Variants in ENGASE observed in about 807,000 individuals in gnomAD.
The protein encoded by ENGASE is cytosolic endo-beta-N-acetylglucosaminidase.
Under a neutral mutation model 78.5 loss-of-function variants are expected in ENGASE, and 69 were observed. That is an observed-to-expected ratio of 0.88 (90% confidence interval 0.72 to 1.07). ENGASE has a LOEUF of 1.07. Among genes scored for constraint, ENGASE ranks in the 50% least tolerant of loss-of-function variants. The pLI is 0.00. For missense variants in ENGASE, 943 were observed against 988.4 expected, an observed-to-expected ratio of 0.95 and a Z score of 0.62; for synonymous variants, 408 against 408.9, an observed-to-expected ratio of 1.00 and a Z score of 0.03.
Position 79,088,411 on chromosome 17 carries a change from G to A in ENGASE, c.*2062G>A, listed in dbSNP as rs893675175. On this transcript the variant is annotated 3_prime_UTR_variant, in exon 14 of 14. Transcript: ENST00000579016. ...GTGGCAATTATTTTCTCACAGTCTG[G>A]TGAGCAGGCAATTAATTAGGAGTAA... is the stretch of plus-strand genomic sequence containing the variant. 6.6e-6 allele frequency: 1 copy of A among 152,194 alleles called. No individual in the cohort carries two copies. The highest frequency in any genetic ancestry group is 1.5e-5 in the Non-Finnish European group (1 of 68,036). 9.4% of individuals were successfully genotyped at this position (152,194 alleles called of 1,614,324 possible).
Position 79,083,282 on chromosome 17 carries a change from G to C in ENGASE, c.1142+159G>C. 1.4e-6 allele frequency: 1 copy of C among 722,134 alleles called. No homozygotes were observed. The highest frequency in any genetic ancestry group is 2.3e-6 in the Non-Finnish European group (1 of 439,018). The allele number at this position is 722,134 out of a possible 1,614,324, so 44.7% of individuals were successfully genotyped here. Reference sequence around the variant, plus strand: ...GGAAGCCAGCACCCTGGCTGCTTCCGGGCAGGGACCAAACCCAGCGGCCGC... The same window carrying C: ...GGAAGCCAGCACCCTGGCTGCTTCCCGGCAGGGACCAAACCCAGCGGCCGC... On this transcript the variant is annotated intron_variant, in intron 8 of 13. Transcript: ENST00000579016. This position sits in a 1 kb window ranked among gnomAD's most constrained non-coding sequence, Gnocchi z 4.9.
chr17:79,081,478 A>G (rs1385574820), intron 6 of ENGASE, among the ~76,000 whole-genome samples: 7 of 151,962 alleles, frequency 4.6e-5, no homozygotes, highest in Admixed American at 3.3e-4. Flanking sequence ...CTCCAGCCTG[A>G]GCGACAGAGC....
chr17:79,086,347 T>C lies in ENGASE; in HGVS notation c.2230T>C (p.Ter744ArgextTer187), dbSNP rs1364793707. ...RAVLLYSAPA[*>R] ...AGTTCTGCTTTATTCAGCCCCTGCA[T>C]GAGCGGATGCTAAGGCCGGGTGGTC... The change falls in exon 14 of 14, where the codon TGA becomes CGA. Residue 744 changes from the stop codon to arginine (R), a stop_lost. Transcript: ENST00000579016. The C allele has an allele frequency of 7.5e-6, 12 of 1,608,690 alleles. No homozygotes were observed. The highest frequency in any genetic ancestry group is 4.5e-5 in the East Asian group (2 of 44,768).
At chr17:79,082,837 G>A (rs1334653979) in intron 7 of ENGASE, 183 bp from the exon 8 acceptor site, 7 of 1,535,382 alleles carry the variant, frequency 4.6e-6, no homozygotes, top group South Asian at 1.1e-5. Context: ...CTCTTCTGGC[G>A]GGCTTGTGGA....
Position 79,074,977 on chromosome 17 carries a change from G to C in ENGASE, c.33G>C (p.Ser11=), listed in dbSNP as rs1198280371. The C allele has an allele frequency of 5.6e-6, 7 of 1,241,416 alleles. No homozygotes were observed. The highest frequency in any genetic ancestry group is 7.1e-6 in the Non-Finnish European group (7 of 992,656). 76.9% of individuals were successfully genotyped at this position (1,241,416 alleles called of 1,614,324 possible). The part of the protein sequence containing the change: MEAAAVTVTR[S]ATRRRRRQLQ... Reference sequence around the variant, plus strand: ...CCGCGGCGGTGACGGTCACCCGGTCGGCTACACGGCGGCGGCGGCGGCAGC... The same window carrying C: ...CCGCGGCGGTGACGGTCACCCGGTCCGCTACACGGCGGCGGCGGCGGCAGC... The change falls in exon 1 of 14, where the codon TCG becomes TCC. Residue 11 remains serine (S), a synonymous_variant. Coordinates refer to ENST00000579016, the MANE Select transcript of ENGASE (RefSeq NM_001042573.3).
At position 79,079,557 on chromosome 17, in the gene ENGASE, T is replaced by G. The variant is rs776811675; in HGVS notation, c.485T>G (p.Val162Gly). 4.3e-6 allele frequency: 7 copies of G among 1,614,040 alleles called. No individual in the cohort carries two copies. The African/African-American group carries it at 8.0e-5, about 18-fold the overall frequency. ...CACTGGCAGTGCATCGACGTCTTTGTGTACTTCAGCCACCACACCGTCACC... is the reference window on the plus strand; with the variant it reads ...CACTGGCAGTGCATCGACGTCTTTGGGTACTTCAGCCACCACACCGTCACC... ...FYHWQCIDVF[V>G]YFSHHTVTIP... The change falls in exon 4 of 14, where the codon GTG becomes GGG. Residue 162 changes from valine (V) to glycine (G), a missense_variant. Coordinates refer to ENST00000579016, the MANE Select transcript of ENGASE (RefSeq NM_001042573.3).
Position 79,083,929 on chromosome 17 carries a change from G to A in ENGASE, c.1420G>A (p.Glu474Lys). ...GCTCGTCCGGGGTGTGATCCCACCGGAGGTTGGAAATGTGGCTGTGAGGTG... is the reference window on the plus strand; with the variant it reads ...GCTCGTCCGGGGTGTGATCCCACCGAAGGTTGGAAATGTGGCTGTGAGGTG... ...SLLVRGVIPPEVGNVAVRLFS... is the reference protein window; with the variant it reads ...SLLVRGVIPPKVGNVAVRLFS... The change falls in exon 10 of 14, where the codon GAG (glutamate) becomes AAG (lysine). Residue 474 changes from glutamate to lysine, a missense_variant. Physicochemically the swap from Glu to Lys is moderately conservative, Grantham distance 56 (BLOSUM62 1). Transcript: ENST00000579016. The surrounding 1 kb of genome is among the most constrained non-coding windows in gnomAD (Gnocchi z 4.9). 6.2e-7 allele frequency: 1 copy of A among 1,610,594 alleles called. No individual in the cohort carries two copies. The highest frequency in any genetic ancestry group is 8.5e-7 in the Non-Finnish European group (1 of 1,179,716).
rs1263791095 is a variant in ENGASE, at chr17:79,086,788, G to A, written c.*439G>A. ...GTGGCAGGTAGGCTTTGGAGCAGGC[G>A]CCGAGACATTTCTGAGCATGAGGAC... is the stretch of plus-strand genomic sequence containing the variant. On this transcript the variant is annotated 3_prime_UTR_variant, in exon 14 of 14. Coordinates refer to ENST00000579016, the MANE Select transcript of ENGASE (RefSeq NM_001042573.3). 14 of 371,182 alleles carry A rather than the reference G, an allele frequency of 3.8e-5. No individual in the cohort carries two copies. Among genetic ancestry groups the A allele is most frequent in the East Asian group, 2.9e-4 (4 of 13,730 alleles). The allele number at this position is 371,182 out of a possible 1,614,324, so 23.0% of individuals were successfully genotyped here.
At position 79,086,265 on chromosome 17, in the gene ENGASE, G is replaced by A. The variant is rs1197608508; in HGVS notation, c.2148G>A (p.Leu716=). 2 of 1,613,516 alleles carry A rather than the reference G, an allele frequency of 1.2e-6. No homozygotes were observed. The highest frequency in any genetic ancestry group is 8.5e-7 in the Non-Finnish European group (1 of 1,180,056). ...GCCAGGATCGTCGCATGGAATTTCT[G>A]GTGGAGCCTGTCCCCAAGGAAGGGT... ...GPGQDRRMEF[L]VEPVPKEGFR... is the part of the protein sequence containing the mutation. The change falls in exon 14 of 14, where the codon CTG becomes CTA. Residue 716 remains leucine, a synonymous_variant. Coordinates refer to ENST00000579016, the MANE Select transcript of ENGASE (RefSeq NM_001042573.3).
Position 79,083,875 on chromosome 17 carries a change from G to C in ENGASE, c.1366G>C (p.Glu456Gln). The change falls in exon 10 of 14, where the codon GAG becomes CAG. Residue 456 changes from glutamate (E) to glutamine (Q), a missense_variant. Coordinates refer to ENST00000579016, the MANE Select transcript of ENGASE (RefSeq NM_001042573.3). This position sits in a 1 kb window ranked among gnomAD's most constrained non-coding sequence, Gnocchi z 4.9. ...RGWVRTHCCL[E>Q]DAWHGGSSLL... Reference sequence around the variant, plus strand: ...CTGGGTGAGGACGCACTGCTGCCTGGAGGATGCCTGGCACGGAGGCAGCTC... The same window carrying C: ...CTGGGTGAGGACGCACTGCTGCCTGCAGGATGCCTGGCACGGAGGCAGCTC... 1 of 1,612,624 alleles carries C rather than the reference G, an allele frequency of 6.2e-7. No individual in the cohort carries two copies. Among genetic ancestry groups the C allele is most frequent in the African/African-American group, 1.3e-5 (1 of 75,018 alleles).
In ENGASE at chr17:79,083,071, G is replaced by A. The variant is rs374695310; in HGVS notation, c.1090G>A (p.Gly364Ser). ...HGFSVALFAP[G>S]WVYECLEKKD... ...CTTCTCCGTGGCTTTGTTTGCCCCC[G>A]GCTGGGTGTATGAGTGTCTGGAGAA... The change falls in exon 8 of 14, where the codon GGC becomes AGC. Residue 364 changes from glycine to serine, a missense_variant. By Grantham distance (56) the Gly-to-Ser change is moderately conservative. Coordinates refer to ENST00000579016, the MANE Select transcript of ENGASE (RefSeq NM_001042573.3). The surrounding 1 kb of genome is among the most constrained non-coding windows in gnomAD (Gnocchi z 4.9). 4.6e-5 allele frequency: 75 copies of A among 1,614,076 alleles called. 2 individuals carry two copies. The South Asian group carries it at 7.6e-4, about 16-fold the overall frequency.
Position 79,079,580 on chromosome 17 carries a change from A to G in ENGASE, c.508A>G (p.Thr170Ala), listed in dbSNP as rs760631965. Residue 170 changes from threonine to alanine, a missense_variant, in exon 4 of 14, where the codon ACC becomes GCC. Transcript: ENST00000579016. ...VFVYFSHHTVTIPPVGWTNTA... is the reference protein window; with the variant it reads ...VFVYFSHHTVAIPPVGWTNTA... ...TGTGTACTTCAGCCACCACACCGTC[A>G]CCATTCCCCCAGTGGGCTGGACCAA... is the stretch of plus-strand genomic sequence containing the variant. The G allele has an allele frequency of 1.9e-6, 3 of 1,614,050 alleles. No homozygotes were observed. In the East Asian group the frequency reaches 6.7e-5, roughly 36 times the overall value.
At chr17:79,082,886 A>T (rs755897525) in intron 7 of ENGASE, 134 bp from the exon 8 acceptor site, 1 of 1,571,696 alleles carries the variant, frequency 6.4e-7, no homozygotes, top group Non-Finnish European at 8.6e-7. Flanking sequence ...AGGTGCATCT[A>T]GGAGGGAGGG....
chr17:79,079,576 C>A lies in ENGASE; in HGVS notation c.504C>A (p.Thr168=), dbSNP rs201649577. The part of the protein sequence containing the change: ...IDVFVYFSHH[T]VTIPPVGWTN... The stretch of plus-strand genomic sequence containing the variant: ...TCTTTGTGTACTTCAGCCACCACAC[C>A]GTCACCATTCCCCCAGTGGGCTGGA... Residue 168 remains threonine, a synonymous_variant, in exon 4 of 14, where the codon ACC becomes ACA. Transcript: ENST00000579016. 7 of 1,614,076 alleles carry A rather than the reference C, an allele frequency of 4.3e-6. No individual in the cohort carries two copies. The highest frequency in any genetic ancestry group is 5.9e-6 in the Non-Finnish European group (7 of 1,180,016).
intron 6 of ENGASE, 145 bp downstream of exon 6, chr17:79,081,218 G>A: frequency 8.8e-7 from 1 of 1,141,966 alleles, no homozygotes; most frequent in East Asian, 2.8e-5. Context: ...GAGGGAGAAG[G>A]TGGGCCAGGC....
Position 79,083,889 on chromosome 17 carries a change from C to T in ENGASE, c.1380C>T (p.His460=), listed in dbSNP as rs772034935. The change falls in exon 10 of 14, where the codon CAC becomes CAT. Residue 460 remains histidine (H), a synonymous_variant. Coordinates refer to ENST00000579016, the MANE Select transcript of ENGASE (RefSeq NM_001042573.3). This position sits in a 1 kb window ranked among gnomAD's most constrained non-coding sequence, Gnocchi z 4.9. ...ACTGCTGCCTGGAGGATGCCTGGCA[C>T]GGAGGCAGCTCCCTGCTCGTCCGGG... is the stretch of plus-strand genomic sequence containing the variant. ...RTHCCLEDAW[H]GGSSLLVRGV... is the part of the protein sequence containing the mutation. 1.9e-5 allele frequency: 30 copies of T among 1,612,100 alleles called. No individual in the cohort carries two copies. Among genetic ancestry groups the T allele is most frequent in the South Asian group, 5.5e-5 (5 of 91,020 alleles).
intron 3 of ENGASE, among the ~76,000 whole-genome samples, chr17:79,079,050 C>CCTGG (rs2073043483): frequency 6.6e-6 from 1 of 152,168 alleles, no homozygotes; most frequent in Admixed American, 6.5e-5. Context: ...CTGCACCTTG[C>CCTGG]CTGGACACAG....
In ENGASE at chr17:79,075,220, T is replaced by A. The variant is rs926380908; in HGVS notation, c.146+130T>A. ...GCGCCTGTGTCCGCTCCGTGCACAG[T>A]AAGGGACAGAGGGTGGCAGCGCCCC... On this transcript the variant is annotated intron_variant, in intron 1 of 13. Coordinates refer to ENST00000579016, the MANE Select transcript of ENGASE (RefSeq NM_001042573.3). 3.2e-5 allele frequency: 34 copies of A among 1,063,696 alleles called. No homozygotes were observed. The East Asian group carries it at 4.6e-4, about 14-fold the overall frequency. The allele number at this position is 1,063,696 out of a possible 1,614,324, so 65.9% of individuals were successfully genotyped here. A position where few individuals can be genotyped will look rare whatever the true frequency, so the allele number is the denominator to read the frequency against.
rs1041812804 is a variant in ENGASE, at chr17:79,086,460, C to T, written c.*111C>T. 48 of 1,347,602 alleles carry T rather than the reference C, an allele frequency of 3.6e-5. No individual in the cohort carries two copies. The African/African-American group carries it at 3.7e-4, about 10-fold the overall frequency. 83.5% of individuals were successfully genotyped at this position (1,347,602 alleles called of 1,614,324 possible). A position where few individuals can be genotyped will look rare whatever the true frequency, so the allele number is the denominator to read the frequency against. ...AGTGCCCACAGTGGCAGCGAGGTCC[C>T]GGTCCCGGGGCTGGGGTGGGAGACC... On this transcript the variant is annotated 3_prime_UTR_variant, in exon 14 of 14. Transcript: ENST00000579016.
Sources: allele counts gnomAD v4.1 joint callset (sites outside exome capture counted in the v4.1 genomes callset), GRCh38; gene constraint gnomAD v4.1.1; non-coding constraint Gnocchi (gnomAD v3.1); transcripts MANE v1.5; gene names NCBI Gene and HGNC (gene_info 2026-07-23, HGNC 2026-07-21).